SWAP70: variants seen among roughly 807,000 people sequenced by gnomAD.
SWAP70 encodes switching B cell complex subunit SWAP70, also known as switch-associated protein 70.
SWAP70 carries 34 observed loss-of-function variants against 80.2 expected under a neutral mutation model. The ratio of observed to expected loss-of-function variants is 0.42; its 90% CI spans 0.32 to 0.56. The LOEUF (loss-of-function observed/expected upper bound fraction) is 0.56, where lower values mean the gene tolerates loss of function less well. Among genes scored for constraint, SWAP70 ranks in the 20% least tolerant of loss-of-function variants. The probability of loss-of-function intolerance (pLI) is 0.09; values close to 1 mark genes in which losing one functional copy is unlikely to be tolerated. For synonymous variants in SWAP70, 239 were observed against 238.5 expected, an observed-to-expected ratio of 1.00 and a Z score of -0.02; for missense variants, 578 against 690.7, an observed-to-expected ratio of 0.84 and a Z score of 1.83.
intron 1 of SWAP70, among the ~76,000 whole-genome samples, chr11:9,665,580 AATTGCT>A (rs1850298413): frequency 6.6e-6 from 1 of 152,088 alleles, no homozygotes; most frequent in African/African-American, 2.4e-5. Context: ...GATCTTTCCT[AATTGCT>A]ATAGTTTTAC....
In SWAP70 at chr11:9,748,083, G is replaced by T. The variant is rs572430933; in HGVS notation, c.1554+27G>T. 6 of 1,597,564 alleles carry T rather than the reference G, an allele frequency of 3.8e-6. No individual in the cohort carries two copies. The African/African-American group carries it at 4.0e-5, about 11-fold the overall frequency. The stretch of plus-strand genomic sequence containing the variant: ...TAATGAGACTTGGCCCTGCAAACTT[G>T]TATATTTAAATTTTTGAAAAACATT... On this transcript the variant is annotated intron_variant, in intron 10 of 11. Transcript: ENST00000318950.
At chr11:9,722,563 A>G (rs1851153177) in intron 3 of SWAP70, among the ~76,000 whole-genome samples, 1 of 152,208 alleles carries the variant, frequency 6.6e-6, no homozygotes, top group African/African-American at 2.4e-5. Flanking sequence ...ATTTCTAACA[A>G]GCTTCCAGGT....
At chr11:9,692,348 A>T (rs942504677) in intron 1 of SWAP70, among the ~76,000 whole-genome samples, 2 of 151,832 alleles carry the variant, frequency 1.3e-5, no homozygotes, top group Non-Finnish European at 2.9e-5. Context: ...GGTCTCATCA[A>T]ACTTGTCTTC....
Position 9,750,037 on chromosome 11 carries a change from CA to C in SWAP70, c.*71del. 4 of 1,164,836 alleles carry C rather than the reference CA, an allele frequency of 3.4e-6. No homozygotes were observed. Among genetic ancestry groups the C allele is most frequent in the Non-Finnish European group, 5.1e-6 (4 of 787,136 alleles). 72.2% of individuals were successfully genotyped at this position (1,164,836 alleles called of 1,614,324 possible). On this transcript the variant is annotated 3_prime_UTR_variant, in exon 12 of 12. Transcript: ENST00000318950. ...TGGCAGGAGAGCTTTACGCTAAAGA[CA>C]AAAGAAACAGCTTTGGGGGCCGGGC... is the stretch of plus-strand genomic sequence containing the variant.
At chr11:9,675,448 GGAAAGGGA>G (rs1318877029) in intron 1 of SWAP70, among the ~76,000 whole-genome samples, 3 of 139,540 alleles carry the variant, frequency 2.1e-5, no homozygotes, top group African/African-American at 8.3e-5. Context: ...ACAGAGGGAG[GGAAAGGGA>G]GAAAGGGAGA....
chr11:9,701,335 C>T (rs564936943), intron 2 of SWAP70, among the ~76,000 whole-genome samples: 10 of 152,020 alleles, frequency 6.6e-5, no homozygotes, highest in African/African-American at 2.4e-4. Flanking sequence ...CCACGCCCAG[C>T]TACTTTTTGT....
At chr11:9,735,078 C>G (rs1456991682) in intron 7 of SWAP70, among the ~76,000 whole-genome samples, 2 of 152,118 alleles carry the variant, frequency 1.3e-5, no homozygotes, top group Non-Finnish European at 2.9e-5. Flanking sequence ...TTTATTTCTA[C>G]TTTTGTTTCT....
intron 1 of SWAP70, among the ~76,000 whole-genome samples, chr11:9,677,492 C>A (rs1012772835): frequency 6.6e-6 from 1 of 152,094 alleles, no homozygotes; most frequent in African/African-American, 2.4e-5. Flanking sequence ...AGTCCCCTGT[C>A]CTGGAGGTAA....
chr11:9,708,664 A>G (rs763318489), intron 2 of SWAP70, among the ~76,000 whole-genome samples: 7 of 152,172 alleles, frequency 4.6e-5, no homozygotes, highest in Non-Finnish European at 1.0e-4. Context: ...CCTATGATTC[A>G]CCACAGAATC....
chr11:9,713,358 GA>G lies in SWAP70; in HGVS notation c.241-107del, dbSNP rs1453298659. 26 of 1,139,072 alleles carry G rather than the reference GA, an allele frequency of 2.3e-5. No individual in the cohort carries two copies. In the Admixed American group the frequency reaches 6.3e-4, roughly 27 times the overall value. 70.6% of individuals were successfully genotyped at this position (1,139,072 alleles called of 1,614,324 possible). On this transcript the variant is annotated intron_variant, in intron 2 of 11. Transcript: ENST00000318950. ...GTAGGATATGGCTGTTGGTTAATTG[GA>G]TTGATTAAAATGGGAGCCAAAGGAG...
At position 9,671,993 on chromosome 11, in the gene SWAP70, T is replaced by TATAATATATAAAATATATATTTTA. The variant is rs1186448279; in HGVS notation, c.99+7726_99+7749dup. ...ATGTTATATATTTTTCTATATTTTATATAATATATAAAATATATATTTTAA... is the reference window on the plus strand; with the variant it reads ...ATGTTATATATTTTTCTATATTTTATATAATATATAAAATATATATTTTAATAATATATAAAATATATATTTTAA... On this transcript the variant is annotated intron_variant, in intron 1 of 11. Transcript: ENST00000318950. Among the ~76,000 whole-genome samples the TATAATATATAAAATATATATTTTA allele has an allele frequency of 5.2e-4, 61 of 116,984 alleles. 1 individual carries two copies. The highest frequency in any genetic ancestry group is 2.7e-3 in the South Asian group (11 of 4,132). 76.7% of individuals were successfully genotyped at this position (116,984 alleles called of 152,430 possible).
chr11:9,737,595 G>T (rs1590046171), intron 7 of SWAP70, among the ~76,000 whole-genome samples: 1 of 152,280 alleles, frequency 6.6e-6, no homozygotes, highest in East Asian at 1.9e-4. Flanking sequence ...TCAAGAAATA[G>T]CTCTCAAATC....
At chr11:9,735,593 A>G (rs1039043924) in intron 7 of SWAP70, among the ~76,000 whole-genome samples, 3 of 152,210 alleles carry the variant, frequency 2.0e-5, no homozygotes, top group African/African-American at 7.2e-5. Flanking sequence ...ACCAGCCGCC[A>G]TCTTGAGTGT....
At chr11:9,678,722 C>T (rs1404654265) in intron 1 of SWAP70, among the ~76,000 whole-genome samples, 1 of 152,030 alleles carries the variant, frequency 6.6e-6, no homozygotes, top group Non-Finnish European at 1.5e-5. Flanking sequence ...AGGCGACCTT[C>T]TCCCAGGTAC....
At chr11:9,749,750 A>G (rs933937047) in intron 11 of SWAP70, 114 bp from the exon 12 acceptor site, 9 of 653,594 alleles carry the variant, frequency 1.4e-5, no homozygotes, top group African/African-American at 5.4e-5. Context: ...ACATTTATGC[A>G]TGTTCCTCAA....
chr11:9,672,195 C>CTATGTATGTATATATA (rs530619499), intron 1 of SWAP70, among the ~76,000 whole-genome samples: 7 of 78,418 alleles, frequency 8.9e-5, no homozygotes, highest in Non-Finnish European at 1.2e-4. Context: ...ATGTGTGTGT[C>CTATGTATGTATATATA]TATATATATA....
intron 9 of SWAP70, among the ~76,000 whole-genome samples, chr11:9,747,118 A>G (rs1397244973): frequency 2.0e-5 from 3 of 152,240 alleles, no homozygotes; most frequent in Non-Finnish European, 4.4e-5. Flanking sequence ...AAACAACTAC[A>G]TAGCTGGGTA....
chr11:9,725,561 A>ATTTTTT (rs1851207892), intron 4 of SWAP70, among the ~76,000 whole-genome samples: 1 of 16,122 alleles, frequency 6.2e-5, no homozygotes, highest in African/African-American at 2.9e-4. Flanking sequence ...ATATATATAT[A>ATTTTTT]TATATATATT....
intron 1 of SWAP70, among the ~76,000 whole-genome samples, chr11:9,679,817 C>T (rs150115271): frequency 3.8e-4 from 58 of 152,042 alleles, no homozygotes; most frequent in African/African-American, 5.8e-4. Flanking sequence ...TACAGGTGCC[C>T]GCCACCACGC....
Sources: gnomAD v4.1 joint callset for allele counts (sites outside exome capture counted in the v4.1 genomes callset) on GRCh38, gnomAD v4.1.1 for gene constraint, MANE v1.5 for transcripts, NCBI Gene and HGNC (gene_info 2026-07-23, HGNC 2026-07-21) for gene names.